The following FZD2 variants were observed in gnomAD, a reference collection of about 807,000 sequenced individuals.
FZD2 encodes frizzled class receptor 2.
In FZD2, 17 loss-of-function variants were observed where a neutral mutation model predicts 36.7. The observed-to-expected ratio is 0.46, with a 90% CI of 0.32 to 0.70. The LOEUF (loss-of-function observed/expected upper bound fraction) is 0.70, where lower values mean the gene tolerates loss of function less well. Among genes scored for constraint, FZD2 ranks in the 30% least tolerant of loss-of-function variants. FZD2 has a pLI of 0.04. For missense variants in FZD2, 525 were observed against 805.6 expected (o/e 0.65, Z 4.22); for synonymous variants, 333 against 359.6 (o/e 0.93, Z 0.84).
chr17:44,559,265 T>G lies in FZD2; in HGVS notation c.1577T>G (p.Leu526Arg). Reference sequence around the variant, plus strand: ...TTCACGGTCTACATGATCAAATACCTCATGACGCTCATCGTGGGCATCACG... The same window carrying G: ...TTCACGGTCTACATGATCAAATACCGCATGACGCTCATCGTGGGCATCACG... ...PDFTVYMIKYLMTLIVGITSG... is the reference protein window; with the variant it reads ...PDFTVYMIKYRMTLIVGITSG... The change falls in exon 1 of 1, where the codon CTC becomes CGC. Residue 526 changes from leucine to arginine, a missense_variant. Leu to Arg is a moderately radical substitution (Grantham distance 102). Around this residue, in one of 5 missense-constraint regions of FZD2, gnomAD observed 189 missense variants for 298.1 expected, o/e 0.63. Coordinates refer to ENST00000315323, the MANE Select transcript of FZD2 (RefSeq NM_001466.4). The surrounding 1 kb of genome is among the most constrained non-coding windows in gnomAD (Gnocchi z 4.4). 1 of 1,613,960 alleles carries G rather than the reference T, an allele frequency of 6.2e-7. No individual in the cohort carries two copies. Among genetic ancestry groups the G allele is most frequent in the Non-Finnish European group, 8.5e-7 (1 of 1,179,986 alleles).
Position 44,558,399 on chromosome 17 carries a change from A to C in FZD2, c.711A>C (p.Ser237=), listed in dbSNP as rs1970852116. ...GGCCCGATGGTTCCATGTTCTTCTC[A>C]CAGGAGGAGACGCGTTTCGCGCGCC... ...PARPDGSMFF[S]QEETRFARLW... The change falls in exon 1 of 1, where the codon TCA becomes TCC. Residue 237 remains serine (S), a synonymous_variant. Transcript: ENST00000315323. The surrounding 1 kb of genome is among the most constrained non-coding windows in gnomAD (Gnocchi z 9.3). The C allele has an allele frequency of 6.4e-7, 1 of 1,563,162 alleles. No individual in the cohort carries two copies. The highest frequency in any genetic ancestry group is 1.4e-5 in the African/African-American group (1 of 72,742).
Position 44,557,527 on chromosome 17 carries a change from C to T in FZD2, c.-162C>T. On this transcript the variant is annotated 5_prime_UTR_variant, in exon 1 of 1. Coordinates refer to ENST00000315323, the MANE Select transcript of FZD2 (RefSeq NM_001466.4). This position sits in a 1 kb window ranked among gnomAD's most constrained non-coding sequence, Gnocchi z 4.9. ...AAGCGGGCAGGCGCACCGCCCCCTC[C>T]CCCGCCCGGCCTCCCCAACTCTGCG... 3.8e-6 allele frequency: 2 copies of T among 528,834 alleles called. No homozygotes were observed. The highest frequency in any genetic ancestry group is 6.4e-6 in the Non-Finnish European group (2 of 310,346). The allele number at this position is 528,834 out of a possible 1,614,324, so 32.8% of individuals were successfully genotyped here.
rs1970849679 is a variant in FZD2, at chr17:44,558,225, C to A, written c.537C>A (p.Thr179=). ...PPGLQPGAGG[T]PGGPGGGGAP... is the part of the protein sequence containing the mutation. Reference sequence around the variant, plus strand: ...GACTGCAGCCGGGTGCCGGGGGCACCCCGGGTGGCCCGGGCGGCGGCGGCG... The same window carrying A: ...GACTGCAGCCGGGTGCCGGGGGCACACCGGGTGGCCCGGGCGGCGGCGGCG... The change falls in exon 1 of 1, where the codon ACC becomes ACA. Residue 179 remains threonine, a synonymous_variant. Coordinates refer to ENST00000315323, the MANE Select transcript of FZD2 (RefSeq NM_001466.4). This position sits in a 1 kb window ranked among gnomAD's most constrained non-coding sequence, Gnocchi z 9.3. 6 of 1,393,236 alleles carry A rather than the reference C, an allele frequency of 4.3e-6. No individual in the cohort carries two copies. The Admixed American group carries it at 1.4e-4, about 33-fold the overall frequency. 86.3% of individuals were successfully genotyped at this position (1,393,236 alleles called of 1,614,324 possible).
Position 44,559,119 on chromosome 17 carries a change from C to T in FZD2, c.1431C>T (p.Ile477=). Residue 477 remains isoleucine (I), a synonymous_variant, in exon 1 of 1, where the codon ATC becomes ATT. Transcript: ENST00000315323. The surrounding 1 kb of genome is among the most constrained non-coding windows in gnomAD (Gnocchi z 4.4). ...VLYTVPATIV[I]ACYFYEQAFR... ...ACACAGTGCCCGCCACCATCGTCAT[C>T]GCTTGCTACTTCTACGAGCAGGCCT... is the stretch of plus-strand genomic sequence containing the variant. 1.2e-6 allele frequency: 2 copies of T among 1,614,072 alleles called. No individual in the cohort carries two copies. The highest frequency in any genetic ancestry group is 1.1e-5 in the South Asian group (1 of 91,088).
Position 44,558,968 on chromosome 17 carries a change from G to A in FZD2, c.1280G>A (p.Gly427Asp). 4 of 1,614,044 alleles carry A rather than the reference G, an allele frequency of 2.5e-6. No homozygotes were observed. The highest frequency in any genetic ancestry group is 3.4e-6 in the Non-Finnish European group (4 of 1,180,016). ...LAPLFVYLFIGTSFLLAGFVS... is the reference protein window; with the variant it reads ...LAPLFVYLFIDTSFLLAGFVS... ...CCGCTCTTCGTGTACCTGTTCATCG[G>A]CACGTCCTTCCTCCTGGCCGGCTTC... is the stretch of plus-strand genomic sequence containing the variant. Residue 427 changes from glycine to aspartate, a missense_variant, in exon 1 of 1, where the codon GGC becomes GAC. Gly to Asp is a moderately conservative substitution (Grantham distance 94). Transcript: ENST00000315323. This position sits in a 1 kb window ranked among gnomAD's most constrained non-coding sequence, Gnocchi z 9.3.
At position 44,558,243 on chromosome 17, in the gene FZD2, C is replaced by G. The variant is rs754420751; in HGVS notation, c.555C>G (p.Gly185=). The G allele has an allele frequency of 7.2e-7, 1 of 1,382,064 alleles. No individual in the cohort carries two copies. Among genetic ancestry groups the G allele is most frequent in the East Asian group, 2.9e-5 (1 of 34,122 alleles). The allele number at this position is 1,382,064 out of a possible 1,614,324, so 85.6% of individuals were successfully genotyped here. A position where few individuals can be genotyped will look rare whatever the true frequency, so the allele number is the denominator to read the frequency against. Reference sequence around the variant, plus strand: ...GGGGCACCCCGGGTGGCCCGGGCGGCGGCGGCGCTCCCCCGCGCTACGCCA... The same window carrying G: ...GGGGCACCCCGGGTGGCCCGGGCGGGGGCGGCGCTCCCCCGCGCTACGCCA... ...GAGGTPGGPG[G]GGAPPRYATL... The change falls in exon 1 of 1, where the codon GGC becomes GGG. Residue 185 remains glycine (G), a synonymous_variant. Coordinates refer to ENST00000315323, the MANE Select transcript of FZD2 (RefSeq NM_001466.4). The surrounding 1 kb of genome is among the most constrained non-coding windows in gnomAD (Gnocchi z 9.3).
In FZD2 at chr17:44,558,169, C is replaced by G; in HGVS notation, c.481C>G (p.Pro161Ala). 2 of 1,566,004 alleles carry G rather than the reference C, an allele frequency of 1.3e-6. No homozygotes were observed. Among genetic ancestry groups the G allele is most frequent in the Non-Finnish European group, 1.7e-6 (2 of 1,157,616 alleles). ...CCAGAACCACTCCGAGGACGGAGCT[C>G]CCGCGCTACTCACCACCGCGCCGCC... ...VGQNHSEDGA[P>A]ALLTTAPPPG... The change falls in exon 1 of 1, where the codon CCC (proline) becomes GCC (alanine). Residue 161 changes from proline (P) to alanine (A), a missense_variant. This residue lies in a region of FZD2 where 257 missense variants were observed against 344.4 expected (regional missense o/e 0.75). Transcript: ENST00000315323. The surrounding 1 kb of genome is among the most constrained non-coding windows in gnomAD (Gnocchi z 9.3).
Position 44,560,738 on chromosome 17 carries a change from T to G in FZD2, c.*1352T>G, listed in dbSNP as rs1288716979. On this transcript the variant is annotated 3_prime_UTR_variant, in exon 1 of 1. Transcript: ENST00000315323. ...TACAAATAAAGTCAAGACTTTTCTTTTTTTGAGACGGAGTCTTGCTCTGTC... is the reference window on the plus strand; with the variant it reads ...TACAAATAAAGTCAAGACTTTTCTTGTTTTGAGACGGAGTCTTGCTCTGTC... Among the ~76,000 whole-genome samples the G allele has an allele frequency of 6.6e-6, 1 of 152,212 alleles. No homozygotes were observed. Among genetic ancestry groups the G allele is most frequent in the Non-Finnish European group, 1.5e-5 (1 of 68,040 alleles).
chr17:44,558,432 C>A lies in FZD2; in HGVS notation c.744C>A (p.Ile248=). ...AGACGCGTTTCGCGCGCCTCTGGAT[C>A]CTCACCTGGTCGGTGCTGTGCTGCG... The part of the protein sequence containing the change: ...QEETRFARLW[I]LTWSVLCCAS... The change falls in exon 1 of 1, where the codon ATC becomes ATA. Residue 248 remains isoleucine, a synonymous_variant. Coordinates refer to ENST00000315323, the MANE Select transcript of FZD2 (RefSeq NM_001466.4). This position sits in a 1 kb window ranked among gnomAD's most constrained non-coding sequence, Gnocchi z 9.3. 18 of 1,583,548 alleles carry A rather than the reference C, an allele frequency of 1.1e-5. No individual in the cohort carries two copies. Among genetic ancestry groups the A allele is most frequent in the Non-Finnish European group, 1.5e-5 (18 of 1,167,870 alleles).
chr17:44,558,610 G>A lies in FZD2; in HGVS notation c.922G>A (p.Glu308Lys). Residue 308 changes from glutamate (E) to lysine (K), a missense_variant, in exon 1 of 1, where the codon GAG (glutamate) becomes AAG (lysine). This residue lies in a region of FZD2 where 257 missense variants were observed against 344.4 expected (regional missense o/e 0.75). Transcript: ENST00000315323. The surrounding 1 kb of genome is among the most constrained non-coding windows in gnomAD (Gnocchi z 9.3). ...GCTCCAGGAGCGCGTGGTGTGCAACGAGCGCTTCTCCGAGGACGGTTACCG... is the reference window on the plus strand; with the variant it reads ...GCTCCAGGAGCGCGTGGTGTGCAACAAGCGCTTCTCCGAGGACGGTTACCG... ...FVLQERVVCN[E>K]RFSEDGYRTV... The A allele has an allele frequency of 1.2e-6, 2 of 1,613,480 alleles. No individual in the cohort carries two copies. The highest frequency in any genetic ancestry group is 1.7e-6 in the Non-Finnish European group (2 of 1,179,690).
rs1970846049 is a variant in FZD2 at position 44,557,890 on chromosome 17, G to A, written c.202G>A (p.Asp68Asn). ...PNLLGHTNQE[D>N]AGLEVHQFYP... ...CCTTCTGGGCCACACGAACCAGGAG[G>A]ACGCAGGCCTAGAGGTGCACCAGTT... Residue 68 changes from aspartate to asparagine, a missense_variant, in exon 1 of 1, where the codon GAC (aspartate) becomes AAC (asparagine). Transcript: ENST00000315323. This position sits in a 1 kb window ranked among gnomAD's most constrained non-coding sequence, Gnocchi z 4.9. 1 of 1,614,162 alleles carries A rather than the reference G, an allele frequency of 6.2e-7. No individual in the cohort carries two copies. Among genetic ancestry groups the A allele is most frequent in the Non-Finnish European group, 8.5e-7 (1 of 1,180,016 alleles).
chr17:44,557,719 C>A lies in FZD2; in HGVS notation c.31C>A (p.Leu11Met). MRPRSALPRL[L>M]LPLLLLPAAG... ...GCCCCGCAGCGCCCTGCCCCGCCTG[C>A]TGCTGCCGCTGCTGCTGCTGCCCGC... The change falls in exon 1 of 1, where the codon CTG (leucine) becomes ATG (methionine). Residue 11 changes from leucine to methionine, a missense_variant. Physicochemically the swap from Leu to Met is conservative, Grantham distance 15 (BLOSUM62 2). Transcript: ENST00000315323. The surrounding 1 kb of genome is among the most constrained non-coding windows in gnomAD (Gnocchi z 4.9). 1 of 1,592,626 alleles carries A rather than the reference C, an allele frequency of 6.3e-7. No individual in the cohort carries two copies. Among genetic ancestry groups the A allele is most frequent in the East Asian group, 2.3e-5 (1 of 43,436 alleles).
rs185793385 is a variant in FZD2, at chr17:44,560,033, G to C, written c.*647G>C. Among the ~76,000 whole-genome samples, 1 of 152,134 alleles carries C rather than the reference G, an allele frequency of 6.6e-6. No homozygotes were observed. Among genetic ancestry groups the C allele is most frequent in the East Asian group, 1.9e-4 (1 of 5,186 alleles). On this transcript the variant is annotated 3_prime_UTR_variant, in exon 1 of 1. Coordinates refer to ENST00000315323, the MANE Select transcript of FZD2 (RefSeq NM_001466.4). ...AGACGTGGAAAAAAAAATCGGGGTCGGGGTGTGCTGGTGGGGAGAGGGCAG... is the reference window on the plus strand; with the variant it reads ...AGACGTGGAAAAAAAAATCGGGGTCCGGGTGTGCTGGTGGGGAGAGGGCAG...
rs922721167 is a variant in FZD2 at position 44,559,250 on chromosome 17, A to G, written c.1562A>G (p.Tyr521Cys). 2.5e-6 allele frequency: 4 copies of G among 1,613,964 alleles called. No individual in the cohort carries two copies. The African/African-American group carries it at 4.0e-5, about 16-fold the overall frequency. ...TPRMSPDFTV[Y>C]MIKYLMTLIV... is the part of the protein sequence containing the mutation. ...CGCATGTCGCCCGACTTCACGGTCT[A>G]CATGATCAAATACCTCATGACGCTC... is the stretch of plus-strand genomic sequence containing the variant. Residue 521 changes from tyrosine to cysteine, a missense_variant, in exon 1 of 1, where the codon TAC becomes TGC. Coordinates refer to ENST00000315323, the MANE Select transcript of FZD2 (RefSeq NM_001466.4). This position sits in a 1 kb window ranked among gnomAD's most constrained non-coding sequence, Gnocchi z 4.4.
rs1007509516 is a variant in FZD2, at chr17:44,557,779, A to C, written c.91A>C (p.Ile31Leu). Reference protein sequence around the residue: ...GPAQFHGEKGISIPDHGFCQP... With the variant: ...GPAQFHGEKGLSIPDHGFCQP... ...GGCCCAGTTCCACGGGGAGAAGGGC[A>C]TCTCCATCCCGGACCACGGCTTCTG... is the stretch of plus-strand genomic sequence containing the variant. Residue 31 changes from isoleucine to leucine, a missense_variant, in exon 1 of 1, where the codon ATC (isoleucine) becomes CTC (leucine). Ile to Leu is a conservative substitution (Grantham distance 5, BLOSUM62 2). Coordinates refer to ENST00000315323, the MANE Select transcript of FZD2 (RefSeq NM_001466.4). This position sits in a 1 kb window ranked among gnomAD's most constrained non-coding sequence, Gnocchi z 4.9. The C allele has an allele frequency of 6.2e-7, 1 of 1,613,150 alleles. No individual in the cohort carries two copies. The highest frequency in any genetic ancestry group is 1.3e-5 in the African/African-American group (1 of 74,866).
chr17:44,557,696 C>A lies in FZD2; in HGVS notation c.8C>A (p.Pro3His). The change falls in exon 1 of 1, where the codon CCC becomes CAC. Residue 3 changes from proline (P) to histidine (H), a missense_variant. Pro to His is a moderately conservative substitution (Grantham distance 77, BLOSUM62 -2). Coordinates refer to ENST00000315323, the MANE Select transcript of FZD2 (RefSeq NM_001466.4). The surrounding 1 kb of genome is among the most constrained non-coding windows in gnomAD (Gnocchi z 4.9). ...TGGGGGGCGGCGGCCAGCATGCGGC[C>A]CCGCAGCGCCCTGCCCCGCCTGCTG... MR[P>H]RSALPRLLLP... is the part of the protein sequence containing the mutation. 6 of 1,422,690 alleles carry A rather than the reference C, an allele frequency of 4.2e-6. No individual in the cohort carries two copies. Among genetic ancestry groups the A allele is most frequent in the Non-Finnish European group, 5.5e-6 (6 of 1,091,170 alleles). The allele number at this position is 1,422,690 out of a possible 1,614,324, so 88.1% of individuals were successfully genotyped here. A position where few individuals can be genotyped will look rare whatever the true frequency, so the allele number is the denominator to read the frequency against.
In FZD2 at chr17:44,559,652, G is replaced by C; in HGVS notation, c.*266G>C. The C allele has an allele frequency of 4.5e-6, 1 of 221,706 alleles. No individual in the cohort carries two copies. Among genetic ancestry groups the C allele is most frequent in the Non-Finnish European group, 8.5e-6 (1 of 118,336 alleles). 13.7% of individuals were successfully genotyped at this position (221,706 alleles called of 1,614,324 possible). A position where few individuals can be genotyped will look rare whatever the true frequency, so the allele number is the denominator to read the frequency against. Reference sequence around the variant, plus strand: ...CAGGGGTGTGGGCGCCAGGACTGAAGAATGAGGTGTGTGTGTGTTGGGGAG... The same window carrying C: ...CAGGGGTGTGGGCGCCAGGACTGAACAATGAGGTGTGTGTGTGTTGGGGAG... On this transcript the variant is annotated 3_prime_UTR_variant, in exon 1 of 1. Coordinates refer to ENST00000315323, the MANE Select transcript of FZD2 (RefSeq NM_001466.4). The surrounding 1 kb of genome is among the most constrained non-coding windows in gnomAD (Gnocchi z 4.4).
Position 44,558,163 on chromosome 17 carries a change from G to A in FZD2, c.475G>A (p.Gly159Arg). Residue 159 changes from glycine to arginine, a missense_variant, in exon 1 of 1, where the codon GGA becomes AGA. Gly to Arg is a moderately radical substitution (Grantham distance 125, BLOSUM62 -2). Coordinates refer to ENST00000315323, the MANE Select transcript of FZD2 (RefSeq NM_001466.4). This position sits in a 1 kb window ranked among gnomAD's most constrained non-coding sequence, Gnocchi z 9.3. ...CGTCGGCCAGAACCACTCCGAGGAC[G>A]GAGCTCCCGCGCTACTCACCACCGC... is the stretch of plus-strand genomic sequence containing the variant. ...ICVGQNHSED[G>R]APALLTTAPP... 9 of 1,575,020 alleles carry A rather than the reference G, an allele frequency of 5.7e-6. No individual in the cohort carries two copies. The highest frequency in any genetic ancestry group is 7.7e-6 in the Non-Finnish European group (9 of 1,162,066).
chr17:44,557,717 T>TGCTGATGCC lies in FZD2; in HGVS notation c.33_34insATGCCGCTG (p.Leu11_Leu12insMetProLeu), dbSNP rs764254852. Reference sequence around the variant, plus strand: ...CGGCCCCGCAGCGCCCTGCCCCGCCTGCTGCTGCCGCTGCTGCTGCTGCCC... The same window carrying TGCTGATGCC: ...CGGCCCCGCAGCGCCCTGCCCCGCCTGCTGATGCCGCTGCTGCCGCTGCTGCTGCTGCCC... On this transcript the variant is annotated inframe_insertion, in exon 1 of 1. Coordinates refer to ENST00000315323, the MANE Select transcript of FZD2 (RefSeq NM_001466.4). The surrounding 1 kb of genome is among the most constrained non-coding windows in gnomAD (Gnocchi z 4.9). The TGCTGATGCC allele has an allele frequency of 1.3e-6, 2 of 1,588,772 alleles. No homozygotes were observed. Among genetic ancestry groups the TGCTGATGCC allele is most frequent in the African/African-American group, 2.7e-5 (2 of 73,802 alleles).
Sources: gnomAD v4.1 joint callset for allele counts (sites outside exome capture counted in the v4.1 genomes callset) on GRCh38, gnomAD v4.1.1 for gene constraint, gnomAD v4.1.1 regional missense constraint, Gnocchi (gnomAD v3.1) non-coding constraint, MANE v1.5 for transcripts, NCBI Gene and HGNC (gene_info 2026-07-23, HGNC 2026-07-21) for gene names.